The following CCNT2 variants were observed in gnomAD, a reference collection of about 807,000 sequenced individuals.
The protein encoded by CCNT2 is cyclin-T2.
Under a neutral mutation model 70.0 loss-of-function variants are expected in CCNT2, and 18 were observed. The observed-to-expected ratio is 0.26, with a 90% confidence interval of 0.18 to 0.38. The LOEUF (loss-of-function observed/expected upper bound fraction) is 0.38. Among genes scored for constraint, CCNT2 ranks in the 10% least tolerant of loss-of-function variants. The pLI, the probability that CCNT2 is intolerant of heterozygous loss-of-function variation, is 1.00. For synonymous variants in CCNT2, 334 were observed against 313.3 expected (o/e 1.07, Z -0.70); for missense variants, 734 against 890.2 (o/e 0.82, Z 2.23).
At chr2:134,931,887 T>G (rs1680797661) in intron 2 of CCNT2, among the ~76,000 whole-genome samples, 1 of 152,108 alleles carries the variant, frequency 6.6e-6, no homozygotes, top group Non-Finnish European at 1.5e-5. Context: ...AGTGGTATTT[T>G]TTAGTATTTA....
At chr2:134,945,110 G>A in intron 5 of CCNT2, 2 of 985,312 alleles carry the variant, frequency 2.0e-6, no homozygotes, top group Non-Finnish European at 2.4e-6. Flanking sequence ...CTGATGCTTT[G>A]ACACTCTTCC....
In CCNT2 at chr2:134,956,920, A is replaced by G. The variant is rs555879829; in HGVS notation, c.*2272A>G. 7.9e-5 allele frequency: 12 copies of G among 152,756 alleles called. No homozygotes were observed. The highest frequency in any genetic ancestry group is 2.9e-5 in the Non-Finnish European group (2 of 67,990). 9.5% of individuals were successfully genotyped at this position (152,756 alleles called of 1,614,324 possible). ...GGGTCAGTACTTATTAGTACTTCCA[A>G]AATTGAATTTGAAATGCTATGTATT... On this transcript the variant is annotated 3_prime_UTR_variant, in exon 9 of 9. Coordinates refer to ENST00000264157, the MANE Select transcript of CCNT2 (RefSeq NM_058241.3).
chr2:134,938,600 CT>C lies in CCNT2; in HGVS notation c.370-401del, dbSNP rs370667161. Among the ~76,000 whole-genome samples the C allele has an allele frequency of 1.2e-4, 19 of 152,236 alleles. No individual in the cohort carries two copies. The East Asian group carries it at 3.5e-3, about 28-fold the overall frequency. ...TTGAGGAATTACCACATGAAATGTCCTAGAGTGAGTTTGTAAGCCAGGTTTG... is the reference window on the plus strand; with the variant it reads ...TTGAGGAATTACCACATGAAATGTCCAGAGTGAGTTTGTAAGCCAGGTTTG... On this transcript the variant is annotated intron_variant, in intron 3 of 8. Coordinates refer to ENST00000264157, the MANE Select transcript of CCNT2 (RefSeq NM_058241.3).
At chr2:134,937,268 T>C (rs1308552894) in intron 3 of CCNT2, among the ~76,000 whole-genome samples, 1 of 152,230 alleles carries the variant, frequency 6.6e-6, no homozygotes, top group African/African-American at 2.4e-5. Flanking sequence ...GGGTAAGTCC[T>C]ATCACCTCCG....
intron 3 of CCNT2, among the ~76,000 whole-genome samples, chr2:134,938,428 G>C (rs1225983430): frequency 1.3e-5 from 2 of 152,158 alleles, no homozygotes; most frequent in Non-Finnish European, 2.9e-5. Context: ...AACTGTAATA[G>C]AGGGATAATT....
At chr2:134,942,506 CTT>C (rs2105062786) in intron 4 of CCNT2, 104 bp from the exon 5 acceptor site, 1 of 582,712 alleles carries the variant, frequency 1.7e-6, no homozygotes, top group Non-Finnish European at 2.8e-6. Flanking sequence ...AAACTTATAA[CTT>C]TGGATTTTTC....
chr2:134,937,507 T>C (rs957104641), intron 3 of CCNT2, among the ~76,000 whole-genome samples: 6 of 152,224 alleles, frequency 3.9e-5, no homozygotes, highest in African/African-American at 1.2e-4. Flanking sequence ...GTAATGTTCC[T>C]TTCCAGACAA....
In CCNT2 at chr2:134,919,852, GT is replaced by G; in HGVS notation, c.205del (p.Tyr69IlefsTer13). 6.2e-7 allele frequency: 1 copy of G among 1,612,958 alleles called. No individual in the cohort carries two copies. Among genetic ancestry groups the G allele is most frequent in the East Asian group, 2.2e-5 (1 of 44,786 alleles). On this transcript the variant is annotated frameshift_variant, in exon 2 of 9. Transcript: ENST00000264157. LOFTEE classifies it high-confidence loss of function. Reference protein sequence around the residue: ...INTAIVYMHRFYMHHSFTKFN... With the variant: ...INTAIVYMHRXYMHHSFTKFN... Reference sequence around the variant, plus strand: ...ACACTGCGATTGTTTATATGCACAGGTTTTATATGCACCATTCTTTCACCAA... The same window carrying G: ...ACACTGCGATTGTTTATATGCACAGGTTTATATGCACCATTCTTTCACCAA...
At chr2:134,923,287 CAATAAT>C (rs952677648) in intron 2 of CCNT2, among the ~76,000 whole-genome samples, 6 of 151,852 alleles carry the variant, frequency 4.0e-5, no homozygotes, top group Non-Finnish European at 7.4e-5. Flanking sequence ...TCTCAAAAAA[CAATAAT>C]AATAATAATA....
intron 2 of CCNT2, among the ~76,000 whole-genome samples, chr2:134,926,067 T>C (rs973527885): frequency 1.3e-5 from 2 of 151,942 alleles, no homozygotes; most frequent in African/African-American, 4.8e-5. Context: ...GGTCTCACCA[T>C]GTTGCCCAGG....
Position 134,947,838 on chromosome 2 carries a change from A to G in CCNT2, c.642A>G (p.Ser214=). The G allele has an allele frequency of 1.3e-6, 2 of 1,557,916 alleles. No homozygotes were observed. The highest frequency in any genetic ancestry group is 1.2e-5 in the South Asian group (1 of 84,198). Residue 214 remains serine, a synonymous_variant, in exon 7 of 9, where the codon TCA becomes TCG. Transcript: ENST00000264157. ...CKWSNWEIPV[S]TDGKHWWEYV... The stretch of plus-strand genomic sequence containing the variant: ...GGTCCAATTGGGAGATCCCTGTATC[A>G]ACTGATGGAAAGCATTGGTGGGAAT...
chr2:134,933,544 A>G (rs944839579), intron 2 of CCNT2, among the ~76,000 whole-genome samples: 3 of 152,160 alleles, frequency 2.0e-5, no homozygotes, highest in Non-Finnish European at 4.4e-5. Flanking sequence ...AATGGAAACA[A>G]AAAGGAATAA....
At chr2:134,937,968 C>CA (rs1178628238) in intron 3 of CCNT2, among the ~76,000 whole-genome samples, 1 of 152,094 alleles carries the variant, frequency 6.6e-6, no homozygotes, top group Non-Finnish European at 1.5e-5. Flanking sequence ...GGAACCTTTA[C>CA]CCATTGAATG....
chr2:134,950,764 C>T (rs1418290610), intron 7 of CCNT2, among the ~76,000 whole-genome samples: 2 of 152,144 alleles, frequency 1.3e-5, no homozygotes, highest in Non-Finnish European at 2.9e-5. Flanking sequence ...TAGACAGTAG[C>T]TTTGAGAGAG....
Position 134,954,549 on chromosome 2 carries a change from T to TG in CCNT2, c.2095dup (p.Ala699GlyfsTer59). ...AGCCAGTGGAGACCAACGGTCCTGA[T>TG]GCCAATCACGAGTACAGTACAAGCA... On this transcript the variant is annotated frameshift_variant, in exon 9 of 9. Transcript: ENST00000264157. LOFTEE classifies it high-confidence loss of function. 1 of 1,614,118 alleles carries TG rather than the reference T, an allele frequency of 6.2e-7. No homozygotes were observed. The highest frequency in any genetic ancestry group is 8.5e-7 in the Non-Finnish European group (1 of 1,179,960).
intron 2 of CCNT2, among the ~76,000 whole-genome samples, chr2:134,928,512 A>G (rs1207991344): frequency 6.6e-6 from 1 of 151,956 alleles, no homozygotes; most frequent in African/African-American, 2.4e-5. Flanking sequence ...TCCCGACCTC[A>G]GGTGATCCGC....
In CCNT2 at chr2:134,952,891, A is replaced by G. The variant is rs182040038; in HGVS notation, c.774+180A>G. 367 of 518,046 alleles carry G rather than the reference A, an allele frequency of 7.1e-4. 4 individuals are homozygous for G. Among genetic ancestry groups the G allele is most frequent in the African/African-American group, 6.9e-3 (346 of 50,288 alleles). 32.1% of individuals were successfully genotyped at this position (518,046 alleles called of 1,614,324 possible). ...AGTCCAGTGGACTTTGCTAAAGTAC[A>G]TTATACTTTTAAAAAATTTTTTGCA... On this transcript the variant is annotated intron_variant, in intron 8 of 8. Transcript: ENST00000264157.
chr2:134,945,972 AT>A, intron 5 of CCNT2, 128 bp from the exon 6 acceptor site: 2 of 1,579,180 alleles, frequency 1.3e-6, no homozygotes, highest in South Asian at 2.3e-5. Flanking sequence ...CTCTTGTGAT[AT>A]TTGTAAGTAG....
At chr2:134,933,676 C>T (rs1680945424) in intron 2 of CCNT2, among the ~76,000 whole-genome samples, 1 of 152,072 alleles carries the variant, frequency 6.6e-6, no homozygotes, top group Non-Finnish European at 1.5e-5. Context: ...TTAAGTTTAC[C>T]TGTGAAAGGA....
Sources: gnomAD v4.1 joint callset for allele counts (sites outside exome capture counted in the v4.1 genomes callset) on GRCh38, gnomAD v4.1.1 for gene constraint, MANE v1.5 for transcripts, NCBI Gene and HGNC (gene_info 2026-07-23, HGNC 2026-07-21) for gene names.